Variants in FLNA observed in about 807,000 individuals in gnomAD.
The protein encoded by FLNA is filamin-A.
In FLNA, 7 loss-of-function variants were observed where a neutral mutation model predicts 157.6. That is an observed-to-expected ratio of 0.04 (90% CI 0.03 to 0.08). FLNA has a LOEUF of 0.08. FLNA is among the 10% of genes least tolerant of loss of function. The pLI, the probability that FLNA is intolerant of heterozygous loss-of-function variation, is 1.00. For synonymous variants in FLNA, 1,103 were observed against 1,060.8 expected, an observed-to-expected ratio of 1.04 and a Z score of -0.77; for missense variants, 1,750 against 2,398.4, an observed-to-expected ratio of 0.73 and a Z score of 5.65.
Position 154,364,278 on chromosome X carries a change from G to A in FLNA, c.2117C>T (p.Pro706Leu). The change falls in exon 14 of 48, where the codon CCA becomes CTA. Residue 706 changes from proline to leucine, a missense_variant. Physicochemically the swap from Pro to Leu is moderately conservative, Grantham distance 98. Around this residue, in one of 5 missense-constraint regions of FLNA, gnomAD observed 648 missense variants for 805.8 expected, o/e 0.80. Coordinates refer to ENST00000369850, the MANE Select transcript of FLNA (RefSeq NM_001110556.2). ...TVDAKHGGKA[P>L]LRVQVQDNEG... ...CTCTACCTGGACTTGGACCCGAAGT[G>A]GGGCCTTGCCACCGTGCTTGGCATC... is the stretch of plus-strand genomic sequence containing the variant. 1 of 1,210,936 alleles carries A rather than the reference G, an allele frequency of 8.3e-7. No homozygotes were observed. The highest frequency in any genetic ancestry group is 1.1e-6 in the Non-Finnish European group (1 of 895,051).
rs147300430 is a variant in FLNA, at chrX:154,358,895, T to G, written c.4474+89A>C. 6,166 of 1,037,676 alleles carry G rather than the reference T, an allele frequency of 5.9e-3. 203 individuals are homozygous for G. The African/African-American group carries it at 0.099, about 17-fold the overall frequency. 85.5% of individuals were successfully genotyped at this position (1,037,676 alleles called of 1,213,427 possible). On this transcript the variant is annotated intron_variant, in intron 26 of 47. Coordinates refer to ENST00000369850, the MANE Select transcript of FLNA (RefSeq NM_001110556.2). Reference sequence around the variant, plus strand: ...CACTTGCACCACCTCTGCACTCTGGTCCTCACTTTGGGCCTCCAGTTTCCT... The same window carrying G: ...CACTTGCACCACCTCTGCACTCTGGGCCTCACTTTGGGCCTCCAGTTTCCT...
chrX:154,361,270 G>C, intron 21 of FLNA, 38 bp downstream of exon 21: 2 of 1,196,863 alleles, frequency 1.7e-6, no homozygotes, highest in Non-Finnish European at 2.3e-6. Context: ...AGAGAGCACA[G>C]TGGGTTCTAC....
At chrX:154,374,448 C>T (rs1338791973) in intron 1 of FLNA, 58 bp downstream of exon 1, 1 of 112,763 alleles carries the variant, frequency 8.9e-6, no homozygotes, top group Non-Finnish European at 1.9e-5. Context: ...AACCCCGCCC[C>T]CGGCCGACGA....
rs2067698308 is a variant in FLNA, at chrX:154,360,552, A to G, written c.3243T>C (p.Ser1081=). Residue 1081 remains serine (S), a synonymous_variant, in exon 22 of 48, where the codon AGT becomes AGC. Coordinates refer to ENST00000369850, the MANE Select transcript of FLNA (RefSeq NM_001110556.2). ...KAFGPGLQGG[S]AGSPARFTID... is the part of the protein sequence containing the mutation. ...TGGTGAAGCGGGCGGGGGAGCCCGC[A>G]CTGCCTCCCTGCAGCCCCGGCCCAA... 1 of 1,209,194 alleles carries G rather than the reference A, an allele frequency of 8.3e-7. No homozygotes were observed.
chrX:154,351,822 C>T, intron 42 of FLNA, 62 bp downstream of exon 42: 3 of 1,189,475 alleles, frequency 2.5e-6, no homozygotes, highest in Admixed American at 2.2e-5. Flanking sequence ...TCTGTGCCAG[C>T]CCTGGGTCCA....
chrX:154,362,376 C>T (rs1364507347), intron 17 of FLNA, 42 bp downstream of exon 17: 2 of 1,208,625 alleles, frequency 1.7e-6, no homozygotes, highest in African/African-American at 1.7e-5. Flanking sequence ...GGGCAGACGT[C>T]ATCCGCAATG....
chrX:154,364,734 C>T lies in FLNA; in HGVS notation c.1829-15G>A. ...CACCGAGAAGCCTGACAACAGCCAC[C>T]AGTCCCCTCAGTGCCCTGGAGCCTC... On this transcript the variant is annotated splice_polypyrimidine_tract_variant and intron_variant, in intron 12 of 47. Coordinates refer to ENST00000369850, the MANE Select transcript of FLNA (RefSeq NM_001110556.2). 8.3e-7 allele frequency: 1 copy of T among 1,209,842 alleles called. No individual in the cohort carries two copies. Among genetic ancestry groups the T allele is most frequent in the Non-Finnish European group, 1.1e-6 (1 of 895,066 alleles).
intron 1 of FLNA, 22 bp from the exon 2 acceptor site, chrX:154,371,383 T>A: frequency 2.6e-6 from 2 of 773,283 alleles, no homozygotes; most frequent in Non-Finnish European, 3.6e-6. Flanking sequence ...GCGAGCCCTT[T>A]AAATGCGGGA....
At position 154,367,940 on chromosome X, in the gene FLNA, C is replaced by G; in HGVS notation, c.524G>C (p.Trp175Ser). The change falls in exon 3 of 48, where the codon TGG becomes TCG. Residue 175 changes from tryptophan to serine, a missense_variant. Transcript: ENST00000369850. Reference protein sequence around the residue: ...KQTPKQRLLGWIQNKLPQLPI... With the variant: ...KQTPKQRLLGSIQNKLPQLPI... ...CAGCTGCGGCAGCTTGTTCTGGATC[C>G]AGCCCAGGAGCCTCTGCTTGGGGGT... is the stretch of plus-strand genomic sequence containing the variant. The G allele has an allele frequency of 8.3e-7, 1 of 1,211,420 alleles. No homozygotes were observed. The highest frequency in any genetic ancestry group is 1.1e-6 in the Non-Finnish European group (1 of 895,466).
intron 42 of FLNA, 35 bp from the exon 43 acceptor site, chrX:154,351,731 G>A (rs1557175838): frequency 1.8e-6 from 2 of 1,112,888 alleles, no homozygotes; most frequent in East Asian, 6.0e-5. Flanking sequence ...CGGCTCATCA[G>A]CCTTTGGGCC....
chrX:154,369,782 T>C lies in FLNA; in HGVS notation c.373+1091A>G, dbSNP rs182045627. 6.5e-3 allele frequency among the ~76,000 whole-genome samples: 727 copies of C among 111,880 alleles called. 4 individuals are homozygous for C. The highest frequency in any genetic ancestry group is 0.011 in the Non-Finnish European group (599 of 52,961). On this transcript the variant is annotated intron_variant, in intron 2 of 47. Transcript: ENST00000369850. ...AGGCTGGGACTTGTGGGGGTGGGCC[T>C]GCCCCTCGCCTCAACTGGCATTCCA...
Position 154,371,265 on chromosome X carries a change from G to C in FLNA, c.-20C>G, listed in dbSNP as rs781821429. ...ACTCATTTTGAGGCGCGAGAAGCCGGGGGGGCGGTGCTGCAGCCTCGGCGA... is the reference window on the plus strand; with the variant it reads ...ACTCATTTTGAGGCGCGAGAAGCCGCGGGGGCGGTGCTGCAGCCTCGGCGA... On this transcript the variant is annotated 5_prime_UTR_variant, in exon 2 of 48. Coordinates refer to ENST00000369850, the MANE Select transcript of FLNA (RefSeq NM_001110556.2). 1.8e-5 allele frequency: 21 copies of C among 1,196,482 alleles called. No individual in the cohort carries two copies. The highest frequency in any genetic ancestry group is 2.1e-5 in the Non-Finnish European group (19 of 891,166).
In FLNA at chrX:154,348,806, G is replaced by A. The variant is rs371610658; in HGVS notation, c.*43C>T. 181 of 1,148,206 alleles carry A rather than the reference G, an allele frequency of 1.6e-4. 1 individual carries two copies. Among genetic ancestry groups the A allele is most frequent in the African/African-American group, 1.8e-5 (1 of 56,134 alleles). 94.6% of individuals were successfully genotyped at this position (1,148,206 alleles called of 1,213,427 possible). On this transcript the variant is annotated 3_prime_UTR_variant, in exon 48 of 48. Transcript: ENST00000369850. ...GGAAGAGGGCGGGGCTGCTTGGGTA[G>A]CGGGGCAGGCTTGGGGGCTGCCGGC...
chrX:154,350,296 T>C, intron 44 of FLNA, 89 bp from the exon 45 acceptor site: 1 of 901,336 alleles, frequency 1.1e-6, no homozygotes, highest in Non-Finnish European at 1.6e-6. Context: ...ACCCTGGCCC[T>C]CCCCATTTTG....
At position 154,358,549 on chromosome X, in the gene FLNA, G is replaced by A. The variant is rs183948518; in HGVS notation, c.4494C>T (p.Asp1498=). ...GGGTGCCATCAGCGTTGTCTACCACGTCCACTGGCTCCACCAGGCCTGGCC... is the reference window on the plus strand; with the variant it reads ...GGGTGCCATCAGCGTTGTCTACCACATCCACTGGCTCCACCAGGCCTGGCC... ...QGPKGLVEPV[D]VVDNADGTQT... The change falls in exon 27 of 48, where the codon GAC becomes GAT. Residue 1498 remains aspartate (D), a synonymous_variant. Transcript: ENST00000369850. 55 of 1,208,127 alleles carry A rather than the reference G, an allele frequency of 4.6e-5. 1 individual carries two copies. In the Admixed American group the frequency reaches 8.3e-4, roughly 18 times the overall value.
intron 2 of FLNA, 55 bp downstream of exon 2, chrX:154,370,818 A>G: frequency 8.5e-7 from 1 of 1,178,367 alleles, no homozygotes. Context: ...GGGGAGATGG[A>G]AGGACGCACG....
intron 5 of FLNA, 47 bp from the exon 6 acceptor site, chrX:154,366,897 A>G (rs377515991): frequency 1.7e-5 from 17 of 1,007,154 alleles, no homozygotes; most frequent in Non-Finnish European, 2.3e-5. Context: ...TTAAGGCCAC[A>G]GCCTCACCCC....
At chrX:154,361,865 C>G (rs1212231107) in intron 19 of FLNA, 78 bp from the exon 20 acceptor site, 1 of 1,095,536 alleles carries the variant, frequency 9.1e-7, no homozygotes, top group Non-Finnish European at 1.3e-6. Flanking sequence ...ACCTCCATGC[C>G]TGTCCTCTCC....
At chrX:154,358,897 C>T in intron 26 of FLNA, 87 bp downstream of exon 26, 1 of 1,068,433 alleles carries the variant, frequency 9.4e-7, no homozygotes, top group Non-Finnish European at 1.3e-6. Flanking sequence ...CACTCTGGTC[C>T]TCACTTTGGG....
Sources: gnomAD v4.1 joint callset for allele counts (sites outside exome capture counted in the v4.1 genomes callset) on GRCh38, gnomAD v4.1.1 for gene constraint, gnomAD v4.1.1 regional missense constraint, MANE v1.5 for transcripts, NCBI Gene and HGNC (gene_info 2026-07-23, HGNC 2026-07-21) for gene names.